The following EPN2 variants were observed in gnomAD, a reference collection of about 807,000 sequenced individuals.
EPN2 encodes the protein epsin 2, also known as epsin-2.
EPN2 carries 34 observed loss-of-function variants against 61.7 expected under a neutral mutation model. The ratio of observed to expected loss-of-function variants is 0.55; its 90% CI spans 0.42 to 0.73. The LOEUF (loss-of-function observed/expected upper bound fraction) is 0.73. Ranked by LOEUF, EPN2 falls within the 30% of genes least tolerant of loss-of-function variation. The probability of loss-of-function intolerance (pLI) is 0.00; values close to 1 mark genes in which losing one functional copy is unlikely to be tolerated. For missense variants in EPN2, 714 were observed against 839.2 expected, an observed-to-expected ratio of 0.85 and a Z score of 1.84; for synonymous variants, 349 against 353.6, an observed-to-expected ratio of 0.99 and a Z score of 0.15.
At chr17:19,256,232 T>C (rs1038839426) in intron 1 of EPN2, among the ~76,000 whole-genome samples, 14 of 152,032 alleles carry the variant, frequency 9.2e-5, no homozygotes, top group Middle Eastern at 3.2e-3. Context: ...CCACCGCGCC[T>C]GGCCCCAGTC....
chr17:19,276,360 A>ATTTTTTTTT (rs140536354), intron 1 of EPN2: 15 of 79,924 alleles, frequency 1.9e-4, no homozygotes, highest in African/African-American at 3.7e-4. Flanking sequence ...GCTAATTAAA[A>ATTTTTTTTT]TTTTTTTTTT....
intron 7 of EPN2, among the ~76,000 whole-genome samples, chr17:19,322,740 T>TAAAAAAA: frequency 9.7e-6 from 1 of 102,724 alleles, no homozygotes. Context: ...AACCTGTCTC[T>TAAAAAAA]AAAAAAAAAA....
chr17:19,243,015 G>A (rs964353325), intron 1 of EPN2, among the ~76,000 whole-genome samples: 1 of 152,156 alleles, frequency 6.6e-6, no homozygotes, highest in South Asian at 2.1e-4. Context: ...TGGGCCTCCT[G>A]GCTGGGTGGC....
At chr17:19,289,782 A>G (rs1000123211) in intron 4 of EPN2, among the ~76,000 whole-genome samples, 4 of 120,334 alleles carry the variant, frequency 3.3e-5, no homozygotes, top group Non-Finnish European at 4.8e-5. Flanking sequence ...GCTAGAGTGT[A>G]GTGGGGTGAT....
At chr17:19,303,741 T>C (rs373098361) in intron 4 of EPN2, 1 of 152,278 alleles carries the variant, frequency 6.6e-6, no homozygotes, top group Non-Finnish European at 1.5e-5. Flanking sequence ...GTGGTCATGC[T>C]TCATTGCATT....
chr17:19,274,533 G>A (rs1481842991), intron 1 of EPN2: 1 of 152,182 alleles, frequency 6.6e-6, no homozygotes, highest in Admixed American at 6.5e-5. Flanking sequence ...GAGGGGAGTG[G>A]AAAGACAGCT....
At chr17:19,312,233 T>A (rs1906176203) in intron 6 of EPN2, 89 bp downstream of exon 6, 4 of 908,156 alleles carry the variant, frequency 4.4e-6, no homozygotes, top group Non-Finnish European at 7.3e-6. Context: ...GATGGCGTGA[T>A]GCACAGTGAG....
chr17:19,322,633 G>C (rs1399489402), intron 7 of EPN2, among the ~76,000 whole-genome samples: 2 of 151,980 alleles, frequency 1.3e-5, no homozygotes, highest in Admixed American at 1.3e-4. Flanking sequence ...CCAGCTACTT[G>C]GGAGGCAGAA....
In EPN2 at chr17:19,289,074, GTTTTTTTTTTTTTTT is replaced by G. The variant is rs1162172422; in HGVS notation, c.766+3298_766+3312del. ...TGGGCAGTAGCCAGGTTCTGGGTAT[GTTTTTTTTTTTTTTT>G]TTTTTTTTTTTTTGAGACAGAATCT... On this transcript the variant is annotated intron_variant, in intron 4 of 10. Transcript: ENST00000314728. Among the ~76,000 whole-genome samples, 84 of 68,692 alleles carry G rather than the reference GTTTTTTTTTTTTTTT, an allele frequency of 1.2e-3. 2 individuals carry two copies. Among genetic ancestry groups the G allele is most frequent in the African/African-American group, 5.9e-3 (79 of 13,392 alleles). The allele number at this position is 68,692 out of a possible 152,430, so 45.1% of individuals were successfully genotyped here. A position where few individuals can be genotyped will look rare whatever the true frequency, so the allele number is the denominator to read the frequency against.
intron 1 of EPN2, among the ~76,000 whole-genome samples, chr17:19,272,917 A>C (rs1173594233): frequency 2.6e-5 from 4 of 152,134 alleles, no homozygotes; most frequent in Non-Finnish European, 5.9e-5. Context: ...TTCTTCACAC[A>C]GTCTTTAAAA....
At chr17:19,298,689 A>G (rs1343218499) in intron 4 of EPN2, among the ~76,000 whole-genome samples, 3 of 152,202 alleles carry the variant, frequency 2.0e-5, no homozygotes, top group African/African-American at 7.2e-5. Context: ...TTTAAAGGTT[A>G]AACCTTTGGC....
At chr17:19,320,877 G>T (rs1242981950) in intron 7 of EPN2, among the ~76,000 whole-genome samples, 1 of 152,198 alleles carries the variant, frequency 6.6e-6, no homozygotes, top group Non-Finnish European at 1.5e-5. Context: ...CTGCCAGCCT[G>T]AGGTCCTGTG....
intron 4 of EPN2, chr17:19,306,222 G>C (rs1905835416): frequency 6.6e-6 from 1 of 152,252 alleles, no homozygotes; most frequent in Non-Finnish European, 1.5e-5. Context: ...GGCTCAGGTG[G>C]TCAGAAGGGC....
At chr17:19,275,964 T>G (rs1181376174) in intron 1 of EPN2, among the ~76,000 whole-genome samples, 1 of 152,186 alleles carries the variant, frequency 6.6e-6, no homozygotes, top group Non-Finnish European at 1.5e-5. Context: ...AAGCATTCAG[T>G]TTCTTTGCTG....
At chr17:19,250,827 C>T (rs1279731760) in intron 1 of EPN2, among the ~76,000 whole-genome samples, 3 of 152,034 alleles carry the variant, frequency 2.0e-5, no homozygotes, top group Non-Finnish European at 4.4e-5. Flanking sequence ...TGTTCATACC[C>T]TGCTACTTGC....
chr17:19,265,391 AAG>A (rs1491080637), intron 1 of EPN2, among the ~76,000 whole-genome samples: 2 of 151,578 alleles, frequency 1.3e-5, no homozygotes, highest in Non-Finnish European at 2.9e-5. Flanking sequence ...AAAAAAAAAA[AAG>A]AACGTCTAGG....
chr17:19,298,765 C>G (rs1289752851), intron 4 of EPN2, among the ~76,000 whole-genome samples: 6 of 152,196 alleles, frequency 3.9e-5, no homozygotes, highest in Non-Finnish European at 5.9e-5. Flanking sequence ...GTGCTTCTCT[C>G]CCGGGTTATT....
rs375765945 is a variant in EPN2, at chr17:19,241,727, G to A, written c.-294+4196G>A. On this transcript the variant is annotated intron_variant, in intron 1 of 10. Coordinates refer to ENST00000314728, the MANE Select transcript of EPN2 (RefSeq NM_014964.5). ...GTGAAATAAGTATATGTTGAAAGCCGTTTCAGCAGCCTTTTTTTAAACCAC... is the reference window on the plus strand; with the variant it reads ...GTGAAATAAGTATATGTTGAAAGCCATTTCAGCAGCCTTTTTTTAAACCAC... Among the ~76,000 whole-genome samples, 52 of 152,136 alleles carry A rather than the reference G, an allele frequency of 3.4e-4. No homozygotes were observed. In the East Asian group the frequency reaches 5.2e-3, roughly 15 times the overall value.
Position 19,294,970 on chromosome 17 carries a change from T to C in EPN2, c.766+9180T>C, listed in dbSNP as rs1464486012. ...TCCAGGAGGCATTAAAAAAAAATTATATGACTAGAAACAGGAGGGAAGGCA... is the reference window on the plus strand; with the variant it reads ...TCCAGGAGGCATTAAAAAAAAATTACATGACTAGAAACAGGAGGGAAGGCA... On this transcript the variant is annotated intron_variant, in intron 4 of 10. Coordinates refer to ENST00000314728, the MANE Select transcript of EPN2 (RefSeq NM_014964.5). Among the ~76,000 whole-genome samples the C allele has an allele frequency of 2.0e-5, 3 of 152,136 alleles. No homozygotes were observed. In the East Asian group the frequency reaches 5.8e-4, roughly 29 times the overall value.
Sources: gnomAD v4.1 joint callset for allele counts (sites outside exome capture counted in the v4.1 genomes callset) on GRCh38, gnomAD v4.1.1 for gene constraint, MANE v1.5 for transcripts, NCBI Gene and HGNC (gene_info 2026-07-23, HGNC 2026-07-21) for gene names.